Variants in TSHZ3 observed in about 807,000 individuals in gnomAD.
TSHZ3 encodes teashirt zinc finger homeobox 3.
A neutral mutation model predicts 64.5 loss-of-function variants in TSHZ3; 10 were observed. That is an observed-to-expected ratio of 0.16 (90% CI 0.10 to 0.26). The LOEUF (loss-of-function observed/expected upper bound fraction) is 0.26. TSHZ3 is among the 10% of genes least tolerant of loss of function. TSHZ3 has a pLI of 1.00. For synonymous variants in TSHZ3, 608 were observed against 593.1 expected (o/e 1.03, Z -0.36); for missense variants, 1,242 against 1,421.7 (o/e 0.87, Z 2.03).
intron 1 of TSHZ3, among the ~76,000 whole-genome samples, chr19:31,317,814 T>G (rs1314898200): frequency 6.6e-6 from 1 of 152,222 alleles, no homozygotes; most frequent in East Asian, 1.9e-4. Flanking sequence ...ACTTCATTTA[T>G]AAACTTTTCC....
At chr19:31,184,816 C>A (rs1974777169) in intron 5 of TSHZ3, among the ~76,000 whole-genome samples, 1 of 152,166 alleles carries the variant, frequency 6.6e-6, no homozygotes, top group Admixed American at 6.5e-5. Context: ...ATAAAGAAGT[C>A]TTCCTTACTG....
chr19:31,180,202 A>T (rs1243172122), intron 5 of TSHZ3, among the ~76,000 whole-genome samples: 1 of 152,120 alleles, frequency 6.6e-6, no homozygotes, highest in African/African-American at 2.4e-5. Flanking sequence ...GCTACTCAGG[A>T]ATTGCTAAGC....
downstream of TSHZ3, among the ~76,000 whole-genome samples, chr19:31,270,650 T>C (rs1976123261): frequency 6.6e-6 from 1 of 152,200 alleles, no homozygotes; most frequent in Admixed American, 6.5e-5. Context: ...GGGAATGCTC[T>C]GTGCCTGCTG....
intron 1 of TSHZ3, among the ~76,000 whole-genome samples, chr19:31,281,511 G>A (rs1323855336): frequency 6.6e-6 from 1 of 152,228 alleles, no homozygotes; most frequent in African/African-American, 2.4e-5. Context: ...AGCCATGGAT[G>A]TTCTTTACAA....
rs951918400 is a variant in TSHZ3, at chr19:31,327,277, C to T, written c.40+21903G>A. 1.2e-4 allele frequency among the ~76,000 whole-genome samples: 18 copies of T among 152,328 alleles called. No homozygotes were observed. In the East Asian group the frequency reaches 3.5e-3, roughly 29 times the overall value. On this transcript the variant is annotated intron_variant, in intron 1 of 1. Coordinates refer to ENST00000240587, the MANE Select transcript of TSHZ3 (RefSeq NM_020856.4). ...TAGACTTTGAGCCTCTGGGCTACCG[C>T]TGCACATTTTTGAACAGCGATCAAT...
Position 31,277,083 on chromosome 19 carries a change from G to A in TSHZ3, c.2710C>T (p.Leu904=). The change falls in exon 2 of 2, where the codon CTG becomes TTG. Residue 904 remains leucine, a synonymous_variant. Coordinates refer to ENST00000240587, the MANE Select transcript of TSHZ3 (RefSeq NM_020856.4). The surrounding 1 kb of genome is among the most constrained non-coding windows in gnomAD (Gnocchi z 4.5). ...GCGGCAAACTGGGCCTGGAGGATCA[G>A]GAGGTGCTGGGGGTTCCAGTTTGAC... ...RQSNWNPQHL[L]ILQAQFAASL... The A allele has an allele frequency of 6.2e-7, 1 of 1,607,170 alleles. No individual in the cohort carries two copies. The highest frequency in any genetic ancestry group is 8.5e-7 in the Non-Finnish European group (1 of 1,175,926).
At chr19:31,331,020 T>C (rs1917073904) in intron 1 of TSHZ3, among the ~76,000 whole-genome samples, 1 of 152,048 alleles carries the variant, frequency 6.6e-6, no homozygotes, top group Admixed American at 6.5e-5. Context: ...TCCTAAAATC[T>C]CCCTTCTACA....
At chr19:31,246,851 T>C (rs2145188405) in intron 1 of TSHZ3, among the ~76,000 whole-genome samples, 1 of 151,510 alleles carries the variant, frequency 6.6e-6, no homozygotes, top group South Asian at 2.1e-4. Flanking sequence ...AAACTTCTGG[T>C]CCCAAAAAGT....
chr19:31,240,161 C>A (rs1002252192), intron 3 of TSHZ3, among the ~76,000 whole-genome samples: 1 of 152,006 alleles, frequency 6.6e-6, no homozygotes, highest in Non-Finnish European at 1.5e-5. Flanking sequence ...TTCTGAGACT[C>A]AAATTTCAGG....
chr19:31,267,064 T>C (rs1045890970), intron 1 of TSHZ3, among the ~76,000 whole-genome samples: 1 of 152,240 alleles, frequency 6.6e-6, no homozygotes, highest in African/African-American at 2.4e-5. Flanking sequence ...TCACTGCGTG[T>C]TGTCATTGAC....
chr19:31,270,025 G>A (rs546063375), downstream of TSHZ3, among the ~76,000 whole-genome samples: 44 of 152,342 alleles, frequency 2.9e-4, no homozygotes, highest in Non-Finnish European at 4.0e-4. Context: ...GCAAGGTCAC[G>A]ACTACATCCA....
At chr19:31,326,416 A>G (rs1482836440) in intron 1 of TSHZ3, among the ~76,000 whole-genome samples, 2 of 152,256 alleles carry the variant, frequency 1.3e-5, no homozygotes, top group African/African-American at 2.4e-5. Context: ...AGAGAAAGCT[A>G]CTGTCAAATC....
chr19:31,231,637 G>T lies in TSHZ3; in HGVS notation n.551-3497C>A, dbSNP rs1975541736. On this transcript the variant is annotated intron_variant and non_coding_transcript_variant, in intron 3 of 6. Coordinates refer to the TSHZ3 transcript ENST00000651361. The stretch of plus-strand genomic sequence containing the variant: ...ATCTTGCCTCTGATTTATAAAACTT[G>T]CCTGTAAATCTTCCCAGCAAAGTTT... Among the ~76,000 whole-genome samples, 3 of 152,210 alleles carry T rather than the reference G, an allele frequency of 2.0e-5. No individual in the cohort carries two copies. In the South Asian group the frequency reaches 6.2e-4, roughly 32 times the overall value.
chr19:31,322,406 C>T (rs889333120), intron 1 of TSHZ3, among the ~76,000 whole-genome samples: 1 of 152,140 alleles, frequency 6.6e-6, no homozygotes, highest in African/African-American at 2.4e-5. Context: ...GCGTGAGCCC[C>T]CGTGCCTAGC....
intron 5 of TSHZ3, among the ~76,000 whole-genome samples, chr19:31,183,559 A>C (rs887481209): frequency 2.0e-5 from 3 of 152,132 alleles, no homozygotes; most frequent in Non-Finnish European, 2.9e-5. Context: ...CTGACTCTAA[A>C]ATTGGAAGGC....
chr19:31,278,760 T>G lies in TSHZ3; in HGVS notation c.1033A>C (p.Ile345Leu), dbSNP rs760182546. Reference sequence around the variant, plus strand: ...TGAAGTGCATCGTTGGTGTCTGAGATGGTGGCTTTGGGGGTTCCACCTGTG... The same window carrying G: ...TGAAGTGCATCGTTGGTGTCTGAGAGGGTGGCTTTGGGGGTTCCACCTGTG... ...DSTGGTPKAT[I>L]SDTNDALQKN... is the part of the protein sequence containing the mutation. The change falls in exon 2 of 2, where the codon ATC (isoleucine) becomes CTC (leucine). Residue 345 changes from isoleucine (I) to leucine (L), a missense_variant. By Grantham distance (5) the Ile-to-Leu change is conservative. Transcript: ENST00000240587. The surrounding 1 kb of genome is among the most constrained non-coding windows in gnomAD (Gnocchi z 4.7). 1 of 1,614,182 alleles carries G rather than the reference T, an allele frequency of 6.2e-7. No homozygotes were observed. The highest frequency in any genetic ancestry group is 1.7e-5 in the Admixed American group (1 of 60,030).
chr19:31,280,605 C>G (rs1443400076), intron 1 of TSHZ3, among the ~76,000 whole-genome samples: 1 of 152,212 alleles, frequency 6.6e-6, no homozygotes, highest in African/African-American at 2.4e-5. Flanking sequence ...ATATACAAGA[C>G]CTTCCAGTGG....
intron 1 of TSHZ3, among the ~76,000 whole-genome samples, chr19:31,255,736 T>C (rs1167354883): frequency 1.2e-4 from 19 of 152,208 alleles, no homozygotes; most frequent in Non-Finnish European, 2.9e-5. Context: ...ATGGGAATTC[T>C]GTATCCTTCT....
At chr19:31,320,649 T>C (rs1029516364) in intron 1 of TSHZ3, among the ~76,000 whole-genome samples, 15 of 151,966 alleles carry the variant, frequency 9.9e-5, no homozygotes, top group African/African-American at 3.6e-4. Flanking sequence ...CCTTTGAAGG[T>C]TGTTGTAGTT....
Sources: allele counts gnomAD v4.1 joint callset (sites outside exome capture counted in the v4.1 genomes callset), GRCh38; gene constraint gnomAD v4.1.1; non-coding constraint Gnocchi (gnomAD v3.1); transcripts MANE v1.5; gene names NCBI Gene and HGNC (gene_info 2026-07-23, HGNC 2026-07-21).